The following KCNJ3 variants were observed in gnomAD, a reference collection of about 807,000 sequenced individuals.
KCNJ3 encodes potassium inwardly rectifying channel subfamily J member 3.
A neutral mutation model predicts 39.2 loss-of-function variants in KCNJ3; 4 were observed. The ratio of observed to expected loss-of-function variants is 0.10; its 90% CI spans 0.05 to 0.23. The LOEUF (loss-of-function observed/expected upper bound fraction) is 0.23. Among genes scored for constraint, KCNJ3 ranks in the 10% least tolerant of loss-of-function variants. KCNJ3 has a pLI of 1.00. For missense variants in KCNJ3, 276 were observed against 634.9 expected, an observed-to-expected ratio of 0.43 and a Z score of 6.08; for synonymous variants, 230 against 237.4, an observed-to-expected ratio of 0.97 and a Z score of 0.29.
At chr2:154,786,253 G>A (rs13390038) in intron 2 of KCNJ3, among the ~76,000 whole-genome samples, 62,148 of 151,970 alleles carry the variant, frequency 0.41, 12,839 homozygotes, top group Middle Eastern at 0.5. Context: ...TTACCTCAGT[G>A]TATTTCTAAC....
intron 2 of KCNJ3, among the ~76,000 whole-genome samples, chr2:154,752,440 A>T (rs1685862478): frequency 6.6e-6 from 1 of 152,002 alleles, no homozygotes; most frequent in Non-Finnish European, 1.5e-5. Flanking sequence ...TTAAAGAAGG[A>T]TTTTAAAAAC....
chr2:154,821,872 C>G (rs1687188201), intron 2 of KCNJ3, among the ~76,000 whole-genome samples: 1 of 151,906 alleles, frequency 6.6e-6, no homozygotes. Context: ...AACTCCTGAC[C>G]TCAGATAATC....
At chr2:154,823,954 C>A (rs1482378978) in intron 2 of KCNJ3, among the ~76,000 whole-genome samples, 1 of 152,110 alleles carries the variant, frequency 6.6e-6, no homozygotes, top group African/African-American at 2.4e-5. Flanking sequence ...CTACAACTTC[C>A]TTGAAGTAAA....
chr2:154,700,178 T>A (rs1181092455), intron 1 of KCNJ3, among the ~76,000 whole-genome samples: 1 of 152,356 alleles, frequency 6.6e-6, no homozygotes, highest in East Asian at 1.9e-4. Flanking sequence ...CTCTTGTTAA[T>A]TTTATTCTTA....
At chr2:154,821,030 A>G (rs1488551644) in intron 2 of KCNJ3, among the ~76,000 whole-genome samples, 2 of 152,040 alleles carry the variant, frequency 1.3e-5, no homozygotes, top group Non-Finnish European at 2.9e-5. Flanking sequence ...GAGCTCCTGG[A>G]TATTATACAT....
chr2:154,833,898 T>G (rs1447442124), intron 2 of KCNJ3, among the ~76,000 whole-genome samples: 1 of 152,172 alleles, frequency 6.6e-6, no homozygotes. Context: ...AAATAATAAT[T>G]CTGTTGTATG....
intron 2 of KCNJ3, among the ~76,000 whole-genome samples, chr2:154,749,263 C>T (rs1302583533): frequency 6.6e-6 from 1 of 151,972 alleles, no homozygotes; most frequent in Non-Finnish European, 1.5e-5. Context: ...AAGAGACCCC[C>T]CTCAAAATTA....
chr2:154,718,385 A>C (rs779599911), intron 2 of KCNJ3, among the ~76,000 whole-genome samples: 23 of 152,320 alleles, frequency 1.5e-4, no homozygotes, highest in Middle Eastern at 3.4e-3. Context: ...CTGCAGACTT[A>C]TGAAAATAAT....
At chr2:154,815,443 G>A (rs1376663883) in intron 2 of KCNJ3, among the ~76,000 whole-genome samples, 4 of 152,060 alleles carry the variant, frequency 2.6e-5, no homozygotes, top group Non-Finnish European at 5.9e-5. Flanking sequence ...ATCTGCATTA[G>A]ACATTAATAT....
At chr2:154,726,714 C>T (rs1477015332) in intron 2 of KCNJ3, among the ~76,000 whole-genome samples, 1 of 150,960 alleles carries the variant, frequency 6.6e-6, no homozygotes, top group South Asian at 2.1e-4. Context: ...GGAACTAGCC[C>T]AAATGACCAT....
chr2:154,736,536 T>C (rs1048446835), intron 2 of KCNJ3, among the ~76,000 whole-genome samples: 1 of 152,024 alleles, frequency 6.6e-6, no homozygotes, highest in African/African-American at 2.4e-5. Flanking sequence ...GTGGTCACCC[T>C]GAATTAACTT....
chr2:154,847,913 G>A (rs1687687714), intron 2 of KCNJ3, among the ~76,000 whole-genome samples: 2 of 152,084 alleles, frequency 1.3e-5, no homozygotes, highest in Admixed American at 1.3e-4. Context: ...GGCCTCTAGG[G>A]CTGATATGAC....
chr2:154,716,276 A>ATTTTT (rs535989708), intron 2 of KCNJ3, among the ~76,000 whole-genome samples: 14 of 115,408 alleles, frequency 1.2e-4, no homozygotes, highest in East Asian at 2.6e-4. Flanking sequence ...CGGCCGGCTA[A>ATTTTT]TTTTTTTTTT....
chr2:154,730,783 T>C (rs1685435754), intron 2 of KCNJ3, among the ~76,000 whole-genome samples: 1 of 152,074 alleles, frequency 6.6e-6, no homozygotes, highest in African/African-American at 2.4e-5. Flanking sequence ...CATATTCTAG[T>C]TTGAATCTCA....
intron 2 of KCNJ3, among the ~76,000 whole-genome samples, chr2:154,764,558 CT>C (rs1285728710): frequency 6.6e-6 from 1 of 152,206 alleles, no homozygotes; most frequent in Non-Finnish European, 1.5e-5. Flanking sequence ...CTTCTTCTAA[CT>C]TTCTTGAGTG....
intron 1 of KCNJ3, among the ~76,000 whole-genome samples, chr2:154,703,437 A>T (rs1441897689): frequency 6.6e-6 from 1 of 151,614 alleles, no homozygotes; most frequent in Non-Finnish European, 1.5e-5. Flanking sequence ...CTAACATCAC[A>T]TATGTTATTT....
In KCNJ3 at chr2:154,852,459, T is replaced by C. The variant is rs149830910; in HGVS notation, c.920-2268T>C. ...TATTATCACTTAGTAAAAATATATT[T>C]ATAGTATTTTTTCTTAAATTTAAAT... On this transcript the variant is annotated intron_variant, in intron 2 of 2. Coordinates refer to ENST00000295101, the MANE Select transcript of KCNJ3 (RefSeq NM_002239.4). 4.1e-3 allele frequency among the ~76,000 whole-genome samples: 623 copies of C among 152,224 alleles called. 5 individuals carry two copies. Among genetic ancestry groups the C allele is most frequent in the African/African-American group, 0.014 (598 of 41,566 alleles).
rs1445364772 is a variant in KCNJ3, at chr2:154,698,730, C to A, written c.-46C>A. The A allele has an allele frequency of 2.5e-6, 3 of 1,221,574 alleles. No individual in the cohort carries two copies. The highest frequency in any genetic ancestry group is 1.2e-6 in the Non-Finnish European group (1 of 853,604). The allele number at this position is 1,221,574 out of a possible 1,614,324, so 75.7% of individuals were successfully genotyped here. A position where few individuals can be genotyped will look rare whatever the true frequency, so the allele number is the denominator to read the frequency against. On this transcript the variant is annotated 5_prime_UTR_variant, in exon 1 of 3. Coordinates refer to ENST00000295101, the MANE Select transcript of KCNJ3 (RefSeq NM_002239.4). The stretch of plus-strand genomic sequence containing the variant: ...TGGTGCTAGTTTGCAGCGCCCAGCT[C>A]CTGCGCCTTCGCTTCGCGTTTGAAT...
At chr2:154,752,613 T>C (rs906424146) in intron 2 of KCNJ3, among the ~76,000 whole-genome samples, 3 of 152,048 alleles carry the variant, frequency 2.0e-5, no homozygotes, top group Non-Finnish European at 2.9e-5. Flanking sequence ...GTTTTCCTAT[T>C]TGTAAATTTT....
Sources: gnomAD v4.1 joint callset for allele counts (sites outside exome capture counted in the v4.1 genomes callset) on GRCh38, gnomAD v4.1.1 for gene constraint, MANE v1.5 for transcripts, NCBI Gene and HGNC (gene_info 2026-07-23, HGNC 2026-07-21) for gene names.